The following FGD5 variants were observed in gnomAD, a reference collection of about 807,000 sequenced individuals.
The protein encoded by FGD5 is FYVE, RhoGEF and PH domain containing 5, also known as FYVE, RhoGEF and PH domain-containing protein 5.
FGD5 carries 28 observed loss-of-function variants against 133.4 expected under a neutral mutation model. The ratio of observed to expected loss-of-function variants is 0.21; its 90% CI spans 0.16 to 0.29. The LOEUF (loss-of-function observed/expected upper bound fraction) is 0.29. FGD5 is among the 10% of genes least tolerant of loss of function. The pLI is 1.00. For missense variants in FGD5, 1,858 were observed against 1,895.2 expected (o/e 0.98, Z 0.36); for synonymous variants, 810 against 776.5 (o/e 1.04, Z -0.72).
Position 14,922,373 on chromosome 3 carries a change from C to G in FGD5, c.3670-38C>G. 6.4e-7 allele frequency: 1 copy of G among 1,554,462 alleles called. No homozygotes were observed. Among genetic ancestry groups the G allele is most frequent in the Non-Finnish European group, 8.7e-7 (1 of 1,148,608 alleles). On this transcript the variant is annotated intron_variant, in intron 14 of 19. Coordinates refer to ENST00000285046, the MANE Select transcript of FGD5 (RefSeq NM_152536.4). The surrounding 1 kb of genome is among the most constrained non-coding windows in gnomAD (Gnocchi z 4.1). Reference sequence around the variant, plus strand: ...GCTCTGCATCTGGCTGGTCTCCTGGCCACATTCCACATTACTCAGCCAATT... The same window carrying G: ...GCTCTGCATCTGGCTGGTCTCCTGGGCACATTCCACATTACTCAGCCAATT...
chr3:14,897,664 A>G lies in FGD5; in HGVS notation c.2904A>G (p.Ser968=), dbSNP rs1258427121. ...GILEELEERL[S]NWESQQKVAD... ...TGGAGGAGCTGGAGGAAAGGCTGTCAAATTGGTGAGCAGTCCCTGGACCCC... is the reference window on the plus strand; with the variant it reads ...TGGAGGAGCTGGAGGAAAGGCTGTCGAATTGGTGAGCAGTCCCTGGACCCC... The change falls in exon 5 of 20, where the codon TCA becomes TCG. Residue 968 remains serine (S), a synonymous_variant. Coordinates refer to ENST00000285046, the MANE Select transcript of FGD5 (RefSeq NM_152536.4). 1 of 1,602,524 alleles carries G rather than the reference A, an allele frequency of 6.2e-7. No individual in the cohort carries two copies. Among genetic ancestry groups the G allele is most frequent in the Non-Finnish European group, 8.5e-7 (1 of 1,174,724 alleles).
intron 18 of FGD5, among the ~76,000 whole-genome samples, chr3:14,927,742 T>C (rs2038832865): frequency 6.6e-6 from 1 of 151,986 alleles, no homozygotes; most frequent in Non-Finnish European, 1.5e-5. Flanking sequence ...CAAAAATACA[T>C]AGGAATCTTT....
intron 2 of FGD5, among the ~76,000 whole-genome samples, chr3:14,877,666 C>G (rs2037746153): frequency 6.6e-6 from 1 of 152,200 alleles, no homozygotes; most frequent in Non-Finnish European, 1.5e-5. Flanking sequence ...TGGCCACGTT[C>G]TGAGGATCCG....
intron 2 of FGD5, among the ~76,000 whole-genome samples, chr3:14,871,253 G>A (rs1440254738): frequency 6.6e-6 from 1 of 152,214 alleles, no homozygotes; most frequent in African/African-American, 2.4e-5. Context: ...GGCAGACACT[G>A]TGTTTATCCT....
chr3:14,845,509 C>T (rs902917272), intron 1 of FGD5, among the ~76,000 whole-genome samples: 2 of 152,120 alleles, frequency 1.3e-5, no homozygotes, highest in Non-Finnish European at 2.9e-5. Context: ...GGTTCCTTTC[C>T]GTACTCTGAA....
At position 14,917,147 on chromosome 3, in the gene FGD5, C is replaced by T; in HGVS notation, c.3406-102C>T. The T allele has an allele frequency of 9.7e-7, 1 of 1,031,740 alleles. No individual in the cohort carries two copies. The highest frequency in any genetic ancestry group is 1.6e-5 in the South Asian group (1 of 61,660). 63.9% of individuals were successfully genotyped at this position (1,031,740 alleles called of 1,614,324 possible). On this transcript the variant is annotated intron_variant, in intron 11 of 19. Coordinates refer to ENST00000285046, the MANE Select transcript of FGD5 (RefSeq NM_152536.4). This position sits in a 1 kb window ranked among gnomAD's most constrained non-coding sequence, Gnocchi z 4.1. ...CACCTGTGGGGGTTACTGAGGAATA[C>T]AAGATGCCTGTGCACAGCGGAGCTC... is the stretch of plus-strand genomic sequence containing the variant.
At chr3:14,904,055 T>C (rs2038292561) in intron 9 of FGD5, among the ~76,000 whole-genome samples, 2 of 152,196 alleles carry the variant, frequency 1.3e-5, no homozygotes, top group South Asian at 2.1e-4. Flanking sequence ...CAAGGTACTT[T>C]TCATCCCATC....
intron 4 of FGD5, among the ~76,000 whole-genome samples, chr3:14,883,938 G>A (rs9823186): frequency 0.016 from 2,365 of 152,318 alleles, 61 homozygotes; most frequent in African/African-American, 0.051. Flanking sequence ...TGTAAGGTAA[G>A]GGAGTCAGCA....
At chr3:14,833,168 G>A (rs1163674580) in intron 1 of FGD5, among the ~76,000 whole-genome samples, 1 of 152,168 alleles carries the variant, frequency 6.6e-6, no homozygotes, top group East Asian at 1.9e-4. Flanking sequence ...TAAGAATTGT[G>A]GTGTTTCCCT....
At chr3:14,837,824 C>T (rs1197509489) in intron 1 of FGD5, among the ~76,000 whole-genome samples, 1 of 152,176 alleles carries the variant, frequency 6.6e-6, no homozygotes, top group Admixed American at 6.5e-5. Flanking sequence ...TTTTTCGGGG[C>T]CTCGGTTTCC....
At chr3:14,823,888 C>G (rs2036553483) in intron 1 of FGD5, among the ~76,000 whole-genome samples, 1 of 152,232 alleles carries the variant, frequency 6.6e-6, no homozygotes, top group African/African-American at 2.4e-5. Context: ...TTCATCCGGA[C>G]AGTTATGACA....
intron 9 of FGD5, among the ~76,000 whole-genome samples, chr3:14,902,638 A>T (rs903606422): frequency 6.6e-6 from 1 of 151,902 alleles, no homozygotes; most frequent in Non-Finnish European, 1.5e-5. Context: ...CTCTTCTCTC[A>T]CTCTGCTCTG....
chr3:14,915,031 A>G (rs151245939), intron 11 of FGD5, among the ~76,000 whole-genome samples: 198 of 152,384 alleles, frequency 1.3e-3, no homozygotes, highest in Non-Finnish European at 2.5e-3. Context: ...ACACAGCCAC[A>G]TGCATTCCAT....
At chr3:14,843,013 T>C (rs2036954152) in intron 1 of FGD5, among the ~76,000 whole-genome samples, 1 of 152,242 alleles carries the variant, frequency 6.6e-6, no homozygotes, top group Non-Finnish European at 1.5e-5. Context: ...TTTAAGTGTT[T>C]GTTATATTTA....
intron 1 of FGD5, among the ~76,000 whole-genome samples, chr3:14,812,645 C>A (rs951686033): frequency 1.3e-5 from 2 of 152,222 alleles, no homozygotes; most frequent in African/African-American, 2.4e-5. Context: ...GCCCCATGGT[C>A]TGAATTTCCT....
At position 14,819,587 on chromosome 3, in the gene FGD5, A is replaced by C; in HGVS notation, c.516A>C (p.Pro172=). The C allele has an allele frequency of 6.4e-7, 1 of 1,551,516 alleles. No individual in the cohort carries two copies. The highest frequency in any genetic ancestry group is 8.7e-7 in the Non-Finnish European group (1 of 1,146,986). Reference sequence around the variant, plus strand: ...AGGAGGAAGAGAAGCTAGTGCAGCCACACAGGGAGTGCAGCCTGGAGGACA... The same window carrying C: ...AGGAGGAAGAGAAGCTAGTGCAGCCCCACAGGGAGTGCAGCCTGGAGGACA... The part of the protein sequence containing the change: ...RSEEEEKLVQ[P]HRECSLEDSG... The change falls in exon 1 of 20, where the codon CCA becomes CCC. Residue 172 remains proline, a synonymous_variant. Transcript: ENST00000285046. This position sits in a 1 kb window ranked among gnomAD's most constrained non-coding sequence, Gnocchi z 4.1.
chr3:14,898,041 C>T lies in FGD5; in HGVS notation c.3012C>T (p.Leu1004=), dbSNP rs764620752. The T allele has an allele frequency of 6.8e-6, 11 of 1,613,990 alleles. No homozygotes were observed. Among genetic ancestry groups the T allele is most frequent in the Non-Finnish European group, 6.8e-6 (8 of 1,179,896 alleles). ...ILQFDRYLGL[L]SENCLHSPRL... ...AGTTCGACAGGTACCTAGGTCTGCTCAGTGAGAATTGCCTCCACTCTCCCC... is the reference window on the plus strand; with the variant it reads ...AGTTCGACAGGTACCTAGGTCTGCTTAGTGAGAATTGCCTCCACTCTCCCC... Residue 1004 remains leucine (L), a synonymous_variant, in exon 6 of 20, where the codon CTC becomes CTT. Transcript: ENST00000285046.
At chr3:14,875,608 G>T (rs2037702314) in intron 2 of FGD5, among the ~76,000 whole-genome samples, 1 of 152,170 alleles carries the variant, frequency 6.6e-6, no homozygotes, top group East Asian at 1.9e-4. Context: ...CCACTCAAGG[G>T]TGCAGGTGAC....
chr3:14,911,426 T>C (rs953424779), intron 11 of FGD5, among the ~76,000 whole-genome samples: 6 of 152,118 alleles, frequency 3.9e-5, no homozygotes, highest in African/African-American at 1.4e-4. Flanking sequence ...TTAGTGGCTG[T>C]TGAGTGCCCC....
Sources: allele counts gnomAD v4.1 joint callset (sites outside exome capture counted in the v4.1 genomes callset), GRCh38; gene constraint gnomAD v4.1.1; non-coding constraint Gnocchi (gnomAD v3.1); transcripts MANE v1.5; gene names NCBI Gene and HGNC (gene_info 2026-07-23, HGNC 2026-07-21).